The following ATP9B variants were observed in gnomAD, a reference collection of about 807,000 sequenced individuals.
ATP9B encodes ATPase phospholipid transporting 9B.
ATP9B carries 110 observed loss-of-function variants against 146.1 expected under a neutral mutation model. The ratio of observed to expected loss-of-function variants is 0.75; its 90% CI spans 0.65 to 0.88. The LOEUF is 0.88. ATP9B is among the 40% of genes least tolerant of loss of function. ATP9B has a pLI of 0.00. For synonymous variants in ATP9B, 604 were observed against 569.7 expected (o/e 1.06, Z -0.86); for missense variants, 1,499 against 1,496.4 (o/e 1.00, Z -0.03).
rs201122445 is a variant in ATP9B, at chr18:79,154,528, G to A, written c.751G>A (p.Val251Met). The change falls in exon 7 of 30, where the codon GTG becomes ATG. Residue 251 changes from valine (V) to methionine (M), a missense_variant. Transcript: ENST00000426216. ...GAATCAAAGAATTCCATCGGACATG[G>A]TGTTTCTTAGGACTTCAGAAAAAGC... ...EKNQRIPSDM[V>M]FLRTSEKAGS... 65 of 1,538,418 alleles carry A rather than the reference G, an allele frequency of 4.2e-5. No homozygotes were observed. Among genetic ancestry groups the A allele is most frequent in the Non-Finnish European group, 5.4e-5 (62 of 1,151,158 alleles).
chr18:79,313,052 T>C (rs2096661497), intron 15 of ATP9B, among the ~76,000 whole-genome samples: 2 of 152,346 alleles, frequency 1.3e-5, no homozygotes, highest in African/African-American at 4.8e-5. Flanking sequence ...CACCTTTCTG[T>C]CAGTGGGCAC....
intron 26 of ATP9B, among the ~76,000 whole-genome samples, chr18:79,371,370 TAA>T (rs59110010): frequency 0.019 from 1,822 of 97,714 alleles, 34 homozygotes; most frequent in Non-Finnish European, 0.023. Flanking sequence ...GACTCCGTCT[TAA>T]AAAAAAAAAA....
chr18:79,272,300 ATC>A (rs1229942636), intron 12 of ATP9B, among the ~76,000 whole-genome samples: 2 of 152,210 alleles, frequency 1.3e-5, no homozygotes, highest in African/African-American at 4.8e-5. Flanking sequence ...TTTAGGGTGT[ATC>A]TCTGCCTTTG....
At chr18:79,128,052 C>CTTTTTTTTTTTTT (rs1173565651) in intron 5 of ATP9B, among the ~76,000 whole-genome samples, 3 of 71,686 alleles carry the variant, frequency 4.2e-5, no homozygotes, top group African/African-American at 1.2e-4. Context: ...CCTTTGCCGA[C>CTTTTTTTTTTTTT]TTTTTTTTTT....
chr18:79,071,066 T>TTTTG (rs371797213), intron 1 of ATP9B, among the ~76,000 whole-genome samples: 2 of 149,482 alleles, frequency 1.3e-5, no homozygotes, highest in African/African-American at 4.9e-5. Context: ...TTTTTTTTTT[T>TTTTG]GCCACTTTTT....
chr18:79,108,237 A>G (rs1325646063), intron 2 of ATP9B, among the ~76,000 whole-genome samples: 2 of 152,204 alleles, frequency 1.3e-5, no homozygotes, highest in East Asian at 1.9e-4. Context: ...GATGGACAGT[A>G]CAAGCAAGAG....
chr18:79,347,801 TCTC>T lies in ATP9B; in HGVS notation c.2716_2718del (p.Ser906del). ...AAACAGGCCTCGCTGGCGGCCGACTTCTCCATCACGCAGTTCCGGCACATAGGC... is the reference window on the plus strand; with the variant it reads ...AAACAGGCCTCGCTGGCGGCCGACTTCATCACGCAGTTCCGGCACATAGGC... On this transcript the variant is annotated inframe_deletion, in exon 24 of 30. Coordinates refer to ENST00000426216, the MANE Select transcript of ATP9B (RefSeq NM_198531.5). 1 of 1,600,032 alleles carries T rather than the reference TCTC, an allele frequency of 6.2e-7. No homozygotes were observed. The highest frequency in any genetic ancestry group is 8.5e-7 in the Non-Finnish European group (1 of 1,170,982).
intron 27 of ATP9B, among the ~76,000 whole-genome samples, chr18:79,373,471 TG>T (rs77514259): frequency 0.23 from 34,177 of 150,154 alleles, 4,590 homozygotes; most frequent in East Asian, 0.52. Context: ...GCATGAAGCA[TG>T]GGCATGGCCA....
chr18:79,156,068 T>C (rs2094775918), intron 7 of ATP9B, among the ~76,000 whole-genome samples: 1 of 152,158 alleles, frequency 6.6e-6, no homozygotes, highest in Non-Finnish European at 1.5e-5. Context: ...GGCCAAATGT[T>C]TTCTCTTTCT....
At chr18:79,177,474 C>T (rs1204080169) in intron 8 of ATP9B, among the ~76,000 whole-genome samples, 1 of 151,548 alleles carries the variant, frequency 6.6e-6, no homozygotes, top group Non-Finnish European at 1.5e-5. Context: ...AACTCCTGGT[C>T]TCAAGCAGTC....
At chr18:79,171,293 C>G (rs1252670729) in intron 7 of ATP9B, among the ~76,000 whole-genome samples, 1 of 151,882 alleles carries the variant, frequency 6.6e-6, no homozygotes, top group East Asian at 1.9e-4. Context: ...TAAGACTGTT[C>G]ATGTTTGAGA....
intron 8 of ATP9B, among the ~76,000 whole-genome samples, chr18:79,187,343 C>T (rs148462603): frequency 0.012 from 1,761 of 152,280 alleles, 13 homozygotes; most frequent in Middle Eastern, 0.044. Flanking sequence ...ACGTGGGTTC[C>T]AGTGACTGCC....
At chr18:79,090,448 C>T (rs2074229028) in intron 1 of ATP9B, among the ~76,000 whole-genome samples, 3 of 152,044 alleles carry the variant, frequency 2.0e-5, no homozygotes, top group African/African-American at 7.2e-5. Context: ...ACTGGTTGTC[C>T]TTTGGGTATA....
intron 11 of ATP9B, among the ~76,000 whole-genome samples, chr18:79,240,806 T>C (rs1024816699): frequency 6.6e-6 from 1 of 152,198 alleles, no homozygotes; most frequent in African/African-American, 2.4e-5. Flanking sequence ...ATAAAAATAA[T>C]GTCACTTCTA....
intron 12 of ATP9B, among the ~76,000 whole-genome samples, chr18:79,266,960 A>G (rs2096209651): frequency 6.6e-6 from 1 of 152,046 alleles, no homozygotes; most frequent in African/African-American, 2.4e-5. Flanking sequence ...TGCTAGTCTC[A>G]TAAAAATATT....
chr18:79,101,335 T>A (rs2075269713), intron 2 of ATP9B, among the ~76,000 whole-genome samples: 1 of 152,142 alleles, frequency 6.6e-6, no homozygotes, highest in Non-Finnish European at 1.5e-5. Flanking sequence ...ATTGTTCTAT[T>A]TTTTTTCCAT....
chr18:79,311,786 C>A (rs1297688059), intron 15 of ATP9B, among the ~76,000 whole-genome samples: 1 of 152,090 alleles, frequency 6.6e-6, no homozygotes, highest in Admixed American at 6.6e-5. Flanking sequence ...CTCTACAGTC[C>A]GTCGCCTTCC....
At chr18:79,314,712 G>A (rs917207447) in intron 15 of ATP9B, among the ~76,000 whole-genome samples, 21 of 152,222 alleles carry the variant, frequency 1.4e-4, no homozygotes, top group East Asian at 9.7e-4. Flanking sequence ...CTTGCTCTCC[G>A]CAGGCTCAGC....
chr18:79,291,428 T>C (rs914060941), intron 13 of ATP9B, among the ~76,000 whole-genome samples: 1 of 152,236 alleles, frequency 6.6e-6, no homozygotes, highest in Non-Finnish European at 1.5e-5. Flanking sequence ...AAAAATAATT[T>C]TGTATTACAG....
Sources: allele counts gnomAD v4.1 joint callset (sites outside exome capture counted in the v4.1 genomes callset), GRCh38; gene constraint gnomAD v4.1.1; transcripts MANE v1.5; gene names NCBI Gene and HGNC (gene_info 2026-07-23, HGNC 2026-07-21).